Variants in ZBTB20 observed in about 807,000 individuals in gnomAD.
The protein encoded by ZBTB20 is zinc finger and BTB domain-containing protein 20.
Under a neutral mutation model 56.9 loss-of-function variants are expected in ZBTB20, and 9 were observed. The ratio of observed to expected loss-of-function variants is 0.16; its 90% confidence interval spans 0.10 to 0.28. The LOEUF is 0.28. ZBTB20 is among the 10% of genes least tolerant of loss of function. The pLI, the probability that ZBTB20 is intolerant of heterozygous loss-of-function variation, is 1.00. For synonymous variants in ZBTB20, 417 were observed against 420.7 expected, an observed-to-expected ratio of 0.99 and a Z score of 0.11; for missense variants, 655 against 1,003.0, an observed-to-expected ratio of 0.65 and a Z score of 4.69.
chr3:114,865,139 C>A (rs187737957), intron 4 of ZBTB20, among the ~76,000 whole-genome samples: 3 of 152,232 alleles, frequency 2.0e-5, no homozygotes, highest in African/African-American at 2.4e-5. Flanking sequence ...ACACAGCAAA[C>A]TGAAGCATGT....
intron 3 of ZBTB20, among the ~76,000 whole-genome samples, chr3:114,949,549 C>T (rs2076992952): frequency 6.8e-6 from 1 of 146,072 alleles, no homozygotes. Flanking sequence ...GGCCAGATCA[C>T]CTGAGGTCGG....
chr3:114,799,820 C>T (rs2071586387), intron 5 of ZBTB20, among the ~76,000 whole-genome samples: 2 of 151,876 alleles, frequency 1.3e-5, no homozygotes, highest in Admixed American at 1.3e-4. Context: ...AGTAAGGTAA[C>T]CTTGCTCTGT....
At chr3:114,995,704 T>A (rs540377466) in intron 2 of ZBTB20, among the ~76,000 whole-genome samples, 1 of 151,990 alleles carries the variant, frequency 6.6e-6, no homozygotes, top group East Asian at 1.9e-4. Context: ...GAACATAACA[T>A]GTATTCATTT....
At chr3:115,146,904 A>ACCCTCCCGCGCCT (rs1317439072) in intron 1 of ZBTB20, among the ~76,000 whole-genome samples, 1 of 147,158 alleles carries the variant, frequency 6.8e-6, no homozygotes, top group African/African-American at 2.5e-5. Context: ...CCACCCTTCG[A>ACCCTCCCGCGCCT]CCCTCCCGCG....
chr3:114,383,277 A>G (rs1322882415), intron 8 of ZBTB20, among the ~76,000 whole-genome samples: 1 of 152,260 alleles, frequency 6.6e-6, no homozygotes, highest in Non-Finnish European at 1.5e-5. Flanking sequence ...TTTGATATTC[A>G]TAGACAGGGC....
intron 5 of ZBTB20, among the ~76,000 whole-genome samples, chr3:114,787,366 T>TATACACACAC (rs2070603017): frequency 1.2e-5 from 1 of 82,900 alleles, no homozygotes; most frequent in African/African-American, 5.3e-5. Flanking sequence ...TATATATATA[T>TATACACACAC]ATACACACAC....
At position 114,886,512 on chromosome 3, in the gene ZBTB20, T is replaced by C. The variant is rs530597868; in HGVS notation, c.-417+13792A>G. Among the ~76,000 whole-genome samples the C allele has an allele frequency of 9.8e-5, 15 of 152,364 alleles. No homozygotes were observed. In the South Asian group the frequency reaches 2.9e-3, roughly 29 times the overall value. Reference sequence around the variant, plus strand: ...CTGGAGATCATTACGAAAAACATTTTCTGCAACTCTTGATTTACTTAGGTC... The same window carrying C: ...CTGGAGATCATTACGAAAAACATTTCCTGCAACTCTTGATTTACTTAGGTC... On this transcript the variant is annotated intron_variant, in intron 4 of 11. Transcript: ENST00000675478.
intron 6 of ZBTB20, among the ~76,000 whole-genome samples, chr3:114,664,797 G>A (rs1334237588): frequency 1.3e-5 from 2 of 151,986 alleles, no homozygotes; most frequent in Non-Finnish European, 2.9e-5. Flanking sequence ...AAAGTTAAAG[G>A]AAAATGGGCA....
chr3:114,945,633 C>A (rs1396615977), intron 3 of ZBTB20, among the ~76,000 whole-genome samples: 1 of 144,826 alleles, frequency 6.9e-6, no homozygotes, highest in East Asian at 1.9e-4. Flanking sequence ...AAATGGGAAA[C>A]ATAAAATTGG....
intron 6 of ZBTB20, among the ~76,000 whole-genome samples, chr3:114,645,439 C>G (rs2059785258): frequency 6.6e-6 from 1 of 152,180 alleles, no homozygotes; most frequent in African/African-American, 2.4e-5. Context: ...TCTTCCCAAT[C>G]ACTCGAAGAC....
intron 5 of ZBTB20, among the ~76,000 whole-genome samples, chr3:114,734,318 T>C (rs1164927104): frequency 6.6e-6 from 1 of 152,116 alleles, no homozygotes; most frequent in Admixed American, 6.6e-5. Context: ...AAGTTAATTA[T>C]GTACAATAAG....
chr3:115,130,386 T>C (rs548612781), intron 1 of ZBTB20, among the ~76,000 whole-genome samples: 43 of 152,336 alleles, frequency 2.8e-4, no homozygotes, highest in African/African-American at 1.0e-3. Context: ...ACAGGGATAA[T>C]ATTAAAATTA....
At chr3:114,525,364 T>G (rs1450656989) in intron 6 of ZBTB20, among the ~76,000 whole-genome samples, 1 of 152,142 alleles carries the variant, frequency 6.6e-6, no homozygotes, top group Non-Finnish European at 1.5e-5. Flanking sequence ...AGCTTCTCCC[T>G]CCTTTCCTGC....
chr3:114,951,323 C>T (rs1047147466), intron 3 of ZBTB20, among the ~76,000 whole-genome samples: 1 of 151,842 alleles, frequency 6.6e-6, no homozygotes, highest in African/African-American at 2.4e-5. Flanking sequence ...GTAAATAAAG[C>T]CCCAGCTTGC....
At chr3:114,527,054 C>T (rs2047303779) in intron 6 of ZBTB20, among the ~76,000 whole-genome samples, 1 of 152,084 alleles carries the variant, frequency 6.6e-6, no homozygotes, top group Non-Finnish European at 1.5e-5. Flanking sequence ...CTGATTGAAG[C>T]TGCTCTATGA....
intron 6 of ZBTB20, among the ~76,000 whole-genome samples, chr3:114,609,050 T>C (rs1304834743): frequency 6.6e-6 from 1 of 152,196 alleles, no homozygotes; most frequent in Non-Finnish European, 1.5e-5. Context: ...CATCGCCTCA[T>C]CTCTCTGATA....
chr3:115,118,411 T>C (rs1168093323), intron 1 of ZBTB20, among the ~76,000 whole-genome samples: 1 of 152,168 alleles, frequency 6.6e-6, no homozygotes, highest in Admixed American at 6.5e-5. Flanking sequence ...CAATAATTGA[T>C]ACTTCTCTAT....
At chr3:114,361,441 G>T (rs1185342632) in intron 10 of ZBTB20, among the ~76,000 whole-genome samples, 1 of 152,030 alleles carries the variant, frequency 6.6e-6, no homozygotes, top group Non-Finnish European at 1.5e-5. Context: ...TTCATTTTTG[G>T]CTTGTTCTCA....
At chr3:114,870,462 T>C (rs1311131586) in intron 4 of ZBTB20, among the ~76,000 whole-genome samples, 1 of 150,706 alleles carries the variant, frequency 6.6e-6, no homozygotes, top group African/African-American at 2.4e-5. Context: ...TTTTATGGGG[T>C]TATACTTAAT....
Sources: allele counts gnomAD v4.1 joint callset (sites outside exome capture counted in the v4.1 genomes callset), GRCh38; gene constraint gnomAD v4.1.1; transcripts MANE v1.5; gene names NCBI Gene and HGNC (gene_info 2026-07-23, HGNC 2026-07-21).